The following DOCK1 variants were observed in gnomAD, a reference collection of about 807,000 sequenced individuals.
The protein encoded by DOCK1 is dedicator of cytokinesis protein 1.
Under a neutral mutation model 262.7 loss-of-function variants are expected in DOCK1, and 138 were observed. That is an observed-to-expected ratio of 0.53 (90% CI 0.46 to 0.61). The LOEUF is 0.61. Among genes scored for constraint, DOCK1 ranks in the 20% least tolerant of loss-of-function variants. The pLI is 0.00. For synonymous variants in DOCK1, 866 were observed against 867.4 expected, an observed-to-expected ratio of 1.00 and a Z score of 0.03; for missense variants, 1,908 against 2,370.7, an observed-to-expected ratio of 0.80 and a Z score of 4.05.
chr10:127,110,297 A>G lies in DOCK1; in HGVS notation c.2566A>G (p.Ile856Val), dbSNP rs760735470. The G allele has an allele frequency of 3.1e-6, 5 of 1,613,636 alleles. No homozygotes were observed. Among genetic ancestry groups the G allele is most frequent in the African/African-American group, 2.7e-5 (2 of 74,920 alleles). Reference sequence around the variant, plus strand: ...CAATGTTCCCATGGGCTTGCTGACCATCCAGAAACTCTACTGCTTGATCGA... The same window carrying G: ...CAATGTTCCCATGGGCTTGCTGACCGTCCAGAAACTCTACTGCTTGATCGA... ...ILNVPMGLLT[I>V]QKLYCLIEIV... Residue 856 changes from isoleucine to valine, a missense_variant, in exon 25 of 52, where the codon ATC (isoleucine) becomes GTC (valine). This residue lies in a region of DOCK1 where 518 missense variants were observed against 575.1 expected (regional missense o/e 0.90). Transcript: ENST00000623213.
chr10:126,998,349 G>T, intron 8 of DOCK1, 100 bp downstream of exon 8: 1 of 1,482,658 alleles, frequency 6.7e-7, no homozygotes, highest in South Asian at 1.2e-5. Context: ...AGAGGCCTTG[G>T]ATGAATGGCT....
intron 33 of DOCK1, among the ~76,000 whole-genome samples, chr10:127,372,842 G>A (rs953363472): frequency 2.0e-5 from 3 of 152,098 alleles, no homozygotes; most frequent in Non-Finnish European, 4.4e-5. Context: ...AGTTTAGAGT[G>A]TGCATGTCTC....
intron 27 of DOCK1, among the ~76,000 whole-genome samples, chr10:127,148,730 A>G (rs1404238002): frequency 1.3e-5 from 2 of 152,248 alleles, no homozygotes; most frequent in East Asian, 3.8e-4. Flanking sequence ...TTAGTAATTT[A>G]TCCACAAAAC....
chr10:127,101,722 TAAAGGCCTGTCTTG>T (rs1187807787), intron 23 of DOCK1, among the ~76,000 whole-genome samples: 3 of 152,166 alleles, frequency 2.0e-5, no homozygotes, highest in Non-Finnish European at 1.5e-5. Context: ...AGGTGGGCCA[TAAAGGCCTGTCTTG>T]TTTGTGGCCG....
rs190115323 is a variant in DOCK1, at chr10:127,138,243, A to G, written c.2847+10479A>G. Among the ~76,000 whole-genome samples, 370 of 152,318 alleles carry G rather than the reference A, an allele frequency of 2.4e-3. 3 individuals are homozygous for G. Among genetic ancestry groups the G allele is most frequent in the African/African-American group, 8.6e-3 (357 of 41,570 alleles). On this transcript the variant is annotated intron_variant, in intron 27 of 51. Coordinates refer to ENST00000623213, the MANE Select transcript of DOCK1 (RefSeq NM_001290223.2). ...ATAACTTACTTGCTTCTGTAGGTGA[A>G]TCTTTAATATTGTGTTAATGTGCAC...
At position 127,071,943 on chromosome 10, in the gene DOCK1, A is replaced by G. The variant is rs2046255933; in HGVS notation, c.2445+10167A>G. Among the ~76,000 whole-genome samples, 2 of 152,196 alleles carry G rather than the reference A, an allele frequency of 1.3e-5. 1 individual carries two copies. The highest frequency in any genetic ancestry group is 4.8e-5 in the African/African-American group (2 of 41,460). ...TTGCCATCCCTCCTGCCTTGTCCCC[A>G]GTAATGATGCTCACTGGTGGAAAAT... is the stretch of plus-strand genomic sequence containing the variant. On this transcript the variant is annotated intron_variant, in intron 23 of 51. Coordinates refer to ENST00000623213, the MANE Select transcript of DOCK1 (RefSeq NM_001290223.2).
intron 21 of DOCK1, 87 bp downstream of exon 21, chr10:127,043,251 A>C: frequency 1.9e-6 from 2 of 1,073,252 alleles, no homozygotes; most frequent in Non-Finnish European, 2.8e-6. Context: ...TTTGTCTATG[A>C]CTGTGTATTT....
At chr10:127,097,189 C>T (rs1377959730) in intron 23 of DOCK1, among the ~76,000 whole-genome samples, 2 of 152,176 alleles carry the variant, frequency 1.3e-5, no homozygotes, top group African/African-American at 4.8e-5. Context: ...TCTGCCCTTT[C>T]CTGTTTCTTC....
Position 126,931,088 on chromosome 10 carries a change from C to T in DOCK1, c.46+25525C>T, listed in dbSNP as rs1000250848. ...GAATTCTCTTGGGCTAGTTGCTGCACGCCCACCGAGCCAGGTCTCTGACCC... is the reference window on the plus strand; with the variant it reads ...GAATTCTCTTGGGCTAGTTGCTGCATGCCCACCGAGCCAGGTCTCTGACCC... On this transcript the variant is annotated intron_variant, in intron 1 of 51. Transcript: ENST00000623213. Among the ~76,000 whole-genome samples, 899 of 152,108 alleles carry T rather than the reference C, an allele frequency of 5.9e-3. 8 individuals carry two copies. The highest frequency in any genetic ancestry group is 0.02 in the African/African-American group (828 of 41,502).
At chr10:127,072,532 G>A (rs142049004) in intron 23 of DOCK1, among the ~76,000 whole-genome samples, 157 of 152,358 alleles carry the variant, frequency 1.0e-3, no homozygotes, top group East Asian at 4.0e-3. Flanking sequence ...GGCATTGGAA[G>A]TAGTTTAGGG....
intron 1 of DOCK1, among the ~76,000 whole-genome samples, chr10:126,953,584 C>T (rs1180602110): frequency 6.6e-6 from 1 of 151,980 alleles, no homozygotes; most frequent in African/African-American, 2.4e-5. Flanking sequence ...AGGGGAGGTG[C>T]TGGTGTTAGT....
chr10:127,101,695 C>CTGTGTGGG (rs2048259406), intron 23 of DOCK1, among the ~76,000 whole-genome samples: 1 of 152,144 alleles, frequency 6.6e-6, no homozygotes, highest in Non-Finnish European at 1.5e-5. Context: ...TCCGGCAGCC[C>CTGTGTGGG]AAGGGGAGCC....
chr10:127,010,607 A>G (rs1255096291), intron 11 of DOCK1, among the ~76,000 whole-genome samples: 1 of 152,228 alleles, frequency 6.6e-6, no homozygotes, highest in Non-Finnish European at 1.5e-5. Flanking sequence ...CCAGCACTGC[A>G]GAAAGCTCTG....
chr10:127,449,057 C>A (rs1227154399), intron 51 of DOCK1, among the ~76,000 whole-genome samples: 4 of 152,178 alleles, frequency 2.6e-5, no homozygotes, highest in Admixed American at 1.3e-4. Context: ...GCCATTTAAA[C>A]AGGCTCCCTC....
At chr10:127,395,635 G>T (rs553781647) in intron 38 of DOCK1, among the ~76,000 whole-genome samples, 1 of 152,220 alleles carries the variant, frequency 6.6e-6, no homozygotes, top group Admixed American at 6.5e-5. Flanking sequence ...CTTTTCAGGG[G>T]GTAATTCTGG....
Position 127,127,657 on chromosome 10 carries a change from G to A in DOCK1, c.2752-12G>A. 1 of 1,608,338 alleles carries A rather than the reference G, an allele frequency of 6.2e-7. No homozygotes were observed. The highest frequency in any genetic ancestry group is 1.1e-5 in the South Asian group (1 of 90,616). The stretch of plus-strand genomic sequence containing the variant: ...CTCTGGTGTTGGTGTTCATTGGTGT[G>A]TCCTTCCCCAGGGGCCAACCCAGAG... On this transcript the variant is annotated splice_polypyrimidine_tract_variant and intron_variant, in intron 26 of 51. Coordinates refer to ENST00000623213, the MANE Select transcript of DOCK1 (RefSeq NM_001290223.2).
intron 48 of DOCK1, among the ~76,000 whole-genome samples, chr10:127,436,485 C>G (rs1046310299): frequency 6.6e-6 from 1 of 152,094 alleles, no homozygotes; most frequent in Non-Finnish European, 1.5e-5. Flanking sequence ...AACCACTGCA[C>G]TCCAGCCTGG....
chr10:127,123,262 G>A (rs1230815419), intron 25 of DOCK1, among the ~76,000 whole-genome samples: 1 of 106,492 alleles, frequency 9.4e-6, no homozygotes. Flanking sequence ...TGCCTCTGAG[G>A]TTTCTTGGAA....
chr10:126,945,472 G>A (rs886311055), intron 1 of DOCK1, among the ~76,000 whole-genome samples: 5,468 of 149,438 alleles, frequency 0.037, 139 homozygotes, highest in Middle Eastern at 0.1. Context: ...AGAGAGAGAG[G>A]GAGAGAGAGA....
Sources: gnomAD v4.1 joint callset for allele counts (sites outside exome capture counted in the v4.1 genomes callset) on GRCh38, gnomAD v4.1.1 for gene constraint, gnomAD v4.1.1 regional missense constraint, MANE v1.5 for transcripts, NCBI Gene and HGNC (gene_info 2026-07-23, HGNC 2026-07-21) for gene names.